NPTX2: variants seen among roughly 807,000 people sequenced by gnomAD.
NPTX2 encodes the protein neuronal pentraxin 2, also known as neuronal pentraxin-2.
NPTX2 carries 23 observed loss-of-function variants against 38.1 expected under a neutral mutation model. The ratio of observed to expected loss-of-function variants is 0.60; its 90% confidence interval spans 0.43 to 0.85. NPTX2 has a LOEUF of 0.85. Ranked by LOEUF, NPTX2 falls within the 40% of genes least tolerant of loss-of-function variation. The pLI is 0.00. For missense variants in NPTX2, 553 were observed against 615.3 expected (o/e 0.90, Z 1.07); for synonymous variants, 291 against 287.3 (o/e 1.01, Z -0.13).
intron 1 of NPTX2, 125 bp from the exon 2 acceptor site, chr7:98,619,518 C>A: frequency 1.4e-6 from 1 of 734,554 alleles, no homozygotes; most frequent in South Asian, 1.6e-5. Context: ...CCCTGCCTGC[C>A]AGTGGCAAGA....
At chr7:98,626,587 G>C (rs1260803675) in intron 3 of NPTX2, among the ~76,000 whole-genome samples, 2 of 152,230 alleles carry the variant, frequency 1.3e-5, no homozygotes, top group African/African-American at 2.4e-5. Flanking sequence ...GTTGCTAGGA[G>C]ACCAGCAGCA....
chr7:98,622,821 C>T (rs56110856), intron 2 of NPTX2, among the ~76,000 whole-genome samples: 3,136 of 152,214 alleles, frequency 0.021, 69 homozygotes, highest in African/African-American at 0.052. Context: ...CAGGAGCAAT[C>T]GGGAGGCCAC....
Position 98,627,206 on chromosome 7 carries a change from C to T in NPTX2, c.930C>T (p.His310=). The T allele has an allele frequency of 1.2e-6, 2 of 1,613,602 alleles. No individual in the cohort carries two copies. The highest frequency in any genetic ancestry group is 1.7e-6 in the Non-Finnish European group (2 of 1,179,552). ...LPLFVSDGKW[H]HICVTWTTRD... is the part of the protein sequence containing the mutation. ...TGTTTGTCAGTGACGGCAAGTGGCA[C>T]CACATCTGTGTCACCTGGACGACAC... The change falls in exon 4 of 5, where the codon CAC becomes CAT. Residue 310 remains histidine, a synonymous_variant. Transcript: ENST00000265634.
rs543572152 is a variant in NPTX2, at chr7:98,627,516, G to C, written c.1068+172G>C. On this transcript the variant is annotated intron_variant, in intron 4 of 4. Transcript: ENST00000265634. ...TGTTGGCCCCTCAGACCTGGCCACAGTGTCCTGACAGCCAGGTCGGGGGAG... is the reference window on the plus strand; with the variant it reads ...TGTTGGCCCCTCAGACCTGGCCACACTGTCCTGACAGCCAGGTCGGGGGAG... Among the ~76,000 whole-genome samples, 96 of 152,348 alleles carry C rather than the reference G, an allele frequency of 6.3e-4. 1 individual carries two copies. Among genetic ancestry groups the C allele is most frequent in the Middle Eastern group, 3.4e-3 (1 of 294 alleles).
rs1481214789 is a variant in NPTX2 at position 98,625,049 on chromosome 7, G to T, written c.771G>T (p.Arg257=). Residue 257 remains arginine, a synonymous_variant, in exon 3 of 5, where the codon CGG becomes CGT. Coordinates refer to ENST00000265634, the MANE Select transcript of NPTX2 (RefSeq NM_002523.3). ...LYAFTICLWL[R]SSASPGIGTP... Reference sequence around the variant, plus strand: ...CCTTCACCATCTGCCTGTGGCTGCGGTCCAGCGCCTCACCAGGCATTGGCA... The same window carrying T: ...CCTTCACCATCTGCCTGTGGCTGCGTTCCAGCGCCTCACCAGGCATTGGCA... 3 of 1,613,472 alleles carry T rather than the reference G, an allele frequency of 1.9e-6. No homozygotes were observed. In the East Asian group the frequency reaches 6.7e-5, roughly 36 times the overall value.
intron 3 of NPTX2, among the ~76,000 whole-genome samples, chr7:98,626,087 C>T (rs1340166167): frequency 7.0e-6 from 1 of 141,850 alleles, no homozygotes; most frequent in African/African-American, 2.6e-5. Flanking sequence ...GTCGAGGCTG[C>T]AATGAACTAT....
chr7:98,625,449 C>T (rs1791333730), intron 3 of NPTX2, among the ~76,000 whole-genome samples: 1 of 152,150 alleles, frequency 6.6e-6, no homozygotes, highest in Non-Finnish European at 1.5e-5. Flanking sequence ...CCGTGTGCAG[C>T]CTGGATTGAG....
chr7:98,619,544 T>C, intron 1 of NPTX2, 99 bp from the exon 2 acceptor site: 1 of 1,002,174 alleles, frequency 1.0e-6, no homozygotes, highest in South Asian at 1.4e-5. Flanking sequence ...GGCTTGCGTT[T>C]TGGAAGCTTC....
chr7:98,617,716 C>T lies in NPTX2; in HGVS notation c.255C>T (p.Arg85=), dbSNP rs912227594. ...TGGGCGCGCAGCGCGAGGCCATCCG[C>T]GAGCTCACGGGCAAGCTAGCGCGCT... ...ETLGAQREAI[R]ELTGKLARCE... Residue 85 remains arginine (R), a synonymous_variant, in exon 1 of 5, where the codon CGC becomes CGT. Coordinates refer to ENST00000265634, the MANE Select transcript of NPTX2 (RefSeq NM_002523.3). 2.1e-6 allele frequency: 3 copies of T among 1,431,670 alleles called. No individual in the cohort carries two copies. The highest frequency in any genetic ancestry group is 2.7e-6 in the Non-Finnish European group (3 of 1,104,412). 88.7% of individuals were successfully genotyped at this position (1,431,670 alleles called of 1,614,324 possible).
In NPTX2 at chr7:98,628,434, G is replaced by A; in HGVS notation, c.1101G>A (p.Gln367=). The A allele has an allele frequency of 6.2e-7, 1 of 1,609,436 alleles. No homozygotes were observed. ...DTVGGRFDAT[Q]AFVGELSQFN... is the part of the protein sequence containing the mutation. ...TGGGGGGTAGGTTTGATGCCACTCA[G>A]GCATTTGTCGGGGAGCTCAGCCAGT... Residue 367 remains glutamine (Q), a synonymous_variant, in exon 5 of 5, where the codon CAG becomes CAA. Coordinates refer to ENST00000265634, the MANE Select transcript of NPTX2 (RefSeq NM_002523.3).
At chr7:98,627,479 C>T in intron 4 of NPTX2, 135 bp downstream of exon 4, 2 of 720,692 alleles carry the variant, frequency 2.8e-6, no homozygotes, top group Non-Finnish European at 4.5e-6. Context: ...TGTTCCTGCT[C>T]CCGGCCCCAG....
At position 98,617,702 on chromosome 7, in the gene NPTX2, C is replaced by T; in HGVS notation, c.241C>T (p.Arg81Cys). 2.1e-6 allele frequency: 3 copies of T among 1,441,770 alleles called. No homozygotes were observed. Among genetic ancestry groups the T allele is most frequent in the Non-Finnish European group, 1.8e-6 (2 of 1,109,150 alleles). The allele number at this position is 1,441,770 out of a possible 1,614,324, so 89.3% of individuals were successfully genotyped here. A position where few individuals can be genotyped will look rare whatever the true frequency, so the allele number is the denominator to read the frequency against. The stretch of plus-strand genomic sequence containing the variant: ...GCAGAAGGAGACGCTGGGCGCGCAG[C>T]GCGAGGCCATCCGCGAGCTCACGGG... ...VQQKETLGAQ[R>C]EAIRELTGKL... The change falls in exon 1 of 5, where the codon CGC becomes TGC. Residue 81 changes from arginine to cysteine, a missense_variant. Coordinates refer to ENST00000265634, the MANE Select transcript of NPTX2 (RefSeq NM_002523.3).
intron 2 of NPTX2, among the ~76,000 whole-genome samples, chr7:98,622,410 G>T (rs1791285225): frequency 6.6e-6 from 1 of 152,168 alleles, no homozygotes; most frequent in Admixed American, 6.5e-5. Flanking sequence ...GATTGGCAAG[G>T]CTGCCCTCCC....
chr7:98,624,980 C>T lies in NPTX2; in HGVS notation c.702C>T (p.Asn234=). The part of the protein sequence containing the change: ...AFKVSLPLRT[N]YLYGKIKKTL... ...AGGTGTCCCTCCCACTCCGCACAAA[C>T]TACCTATACGGCAAGATCAAGAAGA... The change falls in exon 3 of 5, where the codon AAC becomes AAT. Residue 234 remains asparagine (N), a synonymous_variant. Transcript: ENST00000265634. The T allele has an allele frequency of 3.1e-6, 5 of 1,613,942 alleles. No individual in the cohort carries two copies. Among genetic ancestry groups the T allele is most frequent in the Non-Finnish European group, 4.2e-6 (5 of 1,180,016 alleles).
chr7:98,627,088 T>C, intron 3 of NPTX2, 77 bp from the exon 4 acceptor site: 1 of 955,734 alleles, frequency 1.0e-6, no homozygotes, highest in Non-Finnish European at 1.6e-6. Context: ...CTGTGGGGTG[T>C]CCTTCCTGCT....
intron 1 of NPTX2, among the ~76,000 whole-genome samples, chr7:98,619,355 G>A (rs1791232941): frequency 6.6e-6 from 1 of 152,124 alleles, no homozygotes; most frequent in Non-Finnish European, 1.5e-5. Context: ...AGAATTCTAG[G>A]CGTTGGTTAG....
intron 2 of NPTX2, among the ~76,000 whole-genome samples, chr7:98,622,866 C>T (rs1319414947): frequency 6.6e-6 from 1 of 152,116 alleles, no homozygotes; most frequent in Non-Finnish European, 1.5e-5. Flanking sequence ...ACACGTGAAG[C>T]CCAGATTCTA....
chr7:98,627,049 G>T, intron 3 of NPTX2, 116 bp from the exon 4 acceptor site: 1 of 665,218 alleles, frequency 1.5e-6, no homozygotes, highest in South Asian at 1.8e-5. Context: ...TGACCCCGGT[G>T]ACAGGAGGAG....
intron 2 of NPTX2, chr7:98,620,214 A>T: frequency 3.4e-6 from 1 of 292,534 alleles, no homozygotes; most frequent in Non-Finnish European, 6.7e-6. Flanking sequence ...AGTGGGAGGG[A>T]TCAGGGGATA....
Sources: allele counts gnomAD v4.1 joint callset (sites outside exome capture counted in the v4.1 genomes callset), GRCh38; gene constraint gnomAD v4.1.1; transcripts MANE v1.5; gene names NCBI Gene and HGNC (gene_info 2026-07-23, HGNC 2026-07-21).